CSMD2: variants seen among roughly 807,000 people sequenced by gnomAD.
CSMD2 encodes the protein CUB and Sushi multiple domains 2.
In CSMD2, 130 loss-of-function variants were observed where a neutral mutation model predicts 398.5. The ratio of observed to expected loss-of-function variants is 0.33; its 90% confidence interval spans 0.28 to 0.38. CSMD2 has a LOEUF of 0.38. Ranked by LOEUF, CSMD2 falls within the 10% of genes least tolerant of loss-of-function variation. The pLI, the probability that CSMD2 is intolerant of heterozygous loss-of-function variation, is 1.00. For synonymous variants in CSMD2, 1,828 were observed against 1,908.5 expected, an observed-to-expected ratio of 0.96 and a Z score of 1.10; for missense variants, 3,829 against 4,764.9, an observed-to-expected ratio of 0.80 and a Z score of 5.78.
At chr1:33,682,316 A>G (rs562834359) in intron 25 of CSMD2, among the ~76,000 whole-genome samples, 123 of 152,310 alleles carry the variant, frequency 8.1e-4, no homozygotes, top group African/African-American at 2.7e-3. Flanking sequence ...CCTTAATTTA[A>G]TCACACCTGC....
At chr1:34,117,470 C>A (rs1661721298) in intron 1 of CSMD2, among the ~76,000 whole-genome samples, 1 of 151,940 alleles carries the variant, frequency 6.6e-6, no homozygotes, top group South Asian at 2.1e-4. Context: ...TAATAAAAAA[C>A]CTATCTACAA....
At chr1:33,757,653 G>A (rs534983632) in intron 13 of CSMD2, among the ~76,000 whole-genome samples, 1 of 152,146 alleles carries the variant, frequency 6.6e-6, no homozygotes, top group South Asian at 2.1e-4. Flanking sequence ...ATCCCTCCTG[G>A]AGATCCCACC....
intron 22 of CSMD2, 133 bp downstream of exon 22, chr1:33,708,956 T>G (rs568219796): frequency 1.4e-6 from 1 of 719,128 alleles, no homozygotes; most frequent in African/African-American, 1.8e-5. Flanking sequence ...TTCTCCCAGA[T>G]GAGTGAGGAC....
At chr1:33,651,479 C>G (rs776666992) in intron 28 of CSMD2, among the ~76,000 whole-genome samples, 2 of 152,090 alleles carry the variant, frequency 1.3e-5, no homozygotes, top group East Asian at 3.8e-4. Flanking sequence ...GGGTGGGCAG[C>G]AGAATGGAGT....
intron 5 of CSMD2, among the ~76,000 whole-genome samples, chr1:33,856,367 C>T (rs1639090187): frequency 6.6e-6 from 1 of 152,190 alleles, no homozygotes; most frequent in Non-Finnish European, 1.5e-5. Context: ...ATCAACTTCC[C>T]TCTTTCTCTG....
intron 10 of CSMD2, among the ~76,000 whole-genome samples, chr1:33,804,329 C>A (rs12058074): frequency 0.13 from 19,042 of 152,222 alleles, 1,949 homozygotes; most frequent in African/African-American, 0.29. Flanking sequence ...TACCTGCATC[C>A]AGGCATGTTG....
intron 6 of CSMD2, among the ~76,000 whole-genome samples, chr1:33,826,181 T>G (rs1658791552): frequency 6.6e-6 from 1 of 152,224 alleles, no homozygotes; most frequent in African/African-American, 2.4e-5. Context: ...TCTACCTCAG[T>G]TCTGAGTCAG....
chr1:33,813,473 C>T (rs1021071568), intron 9 of CSMD2, among the ~76,000 whole-genome samples: 2 of 152,138 alleles, frequency 1.3e-5, no homozygotes, highest in Admixed American at 6.5e-5. Context: ...CTCAATATCT[C>T]ACTAAATGAA....
At chr1:33,552,418 G>C (rs1478290641) in intron 55 of CSMD2, among the ~76,000 whole-genome samples, 2 of 152,162 alleles carry the variant, frequency 1.3e-5, no homozygotes, top group African/African-American at 4.8e-5. Context: ...ATGCCCAAGA[G>C]AATTGACAAC....
At chr1:33,680,577 C>T (rs1001647759) in intron 25 of CSMD2, among the ~76,000 whole-genome samples, 5 of 152,184 alleles carry the variant, frequency 3.3e-5, no homozygotes, top group Non-Finnish European at 5.9e-5. Flanking sequence ...AAGCCTCAGA[C>T]GGTAGCACTT....
intron 2 of CSMD2, among the ~76,000 whole-genome samples, chr1:34,060,038 C>T (rs1654289539): frequency 1.3e-5 from 2 of 152,206 alleles, no homozygotes; most frequent in South Asian, 4.1e-4. Context: ...CATTTGTGAC[C>T]TCTAGAAGAG....
intron 18 of CSMD2, 74 bp downstream of exon 18, chr1:33,724,442 G>A: frequency 1.3e-6 from 2 of 1,558,196 alleles, no homozygotes; most frequent in East Asian, 4.5e-5. Context: ...GGAGTCAGTG[G>A]TCTTTTGAGC....
intron 2 of CSMD2, among the ~76,000 whole-genome samples, chr1:34,049,235 A>G (rs1220888234): frequency 6.6e-6 from 1 of 152,174 alleles, no homozygotes; most frequent in Admixed American, 6.5e-5. Flanking sequence ...ATCTGTAGAC[A>G]AGAGAGGGAG....
At chr1:33,769,587 C>G (rs1013153012) in intron 13 of CSMD2, among the ~76,000 whole-genome samples, 2 of 152,110 alleles carry the variant, frequency 1.3e-5, no homozygotes, top group African/African-American at 4.8e-5. Context: ...GCTCAAAAGC[C>G]AACAAAATGA....
intron 25 of CSMD2, among the ~76,000 whole-genome samples, chr1:33,689,734 C>T (rs550176407): frequency 2.0e-5 from 3 of 152,210 alleles, no homozygotes; most frequent in African/African-American, 4.8e-5. Flanking sequence ...TCTCTTTAGA[C>T]GATGTGTGCC....
chr1:33,583,580 G>A (rs185015898), intron 47 of CSMD2, 62 bp downstream of exon 47: 58 of 1,518,332 alleles, frequency 3.8e-5, no homozygotes, highest in East Asian at 1.1e-4. Context: ...CAGACTCCTC[G>A]GGTTCTGGAG....
intron 23 of CSMD2, 118 bp downstream of exon 23, chr1:33,700,399 T>A (rs1557753077): frequency 2.7e-6 from 3 of 1,113,562 alleles, no homozygotes; most frequent in African/African-American, 1.6e-5. Context: ...ACATATTGGA[T>A]TTTAAAACAG....
chr1:33,633,481 A>G lies in CSMD2; in HGVS notation c.5141T>C (p.Val1714Ala). 6.4e-7 allele frequency: 1 copy of G among 1,554,370 alleles called. No individual in the cohort carries two copies. Among genetic ancestry groups the G allele is most frequent in the Non-Finnish European group, 8.7e-7 (1 of 1,148,438 alleles). ...CGAGTGCTGGCTGTGGCCGTCGTGA[A>G]CCTCCACCACGTCGTTGAGGGCCGT... ...FHTALNDVVEVHDGHSQHSRL... is the reference protein window; with the variant it reads ...FHTALNDVVEAHDGHSQHSRL... The change falls in exon 32 of 71, where the codon GTT becomes GCT. Residue 1714 changes from valine (V) to alanine (A), a missense_variant. Transcript: ENST00000373381. The surrounding 1 kb of genome is among the most constrained non-coding windows in gnomAD (Gnocchi z 5.0).
intron 1 of CSMD2, among the ~76,000 whole-genome samples, chr1:34,092,455 G>A (rs530123543): frequency 8.1e-4 from 124 of 152,282 alleles, no homozygotes; most frequent in Non-Finnish European, 1.2e-3. Context: ...CAGCGTGAGC[G>A]AGGCAGAAGA....
Sources: allele counts gnomAD v4.1 joint callset (sites outside exome capture counted in the v4.1 genomes callset), GRCh38; gene constraint gnomAD v4.1.1; non-coding constraint Gnocchi (gnomAD v3.1); transcripts MANE v1.5; gene names NCBI Gene and HGNC (gene_info 2026-07-23, HGNC 2026-07-21).